Variants in AMPH observed in about 807,000 individuals in gnomAD.
AMPH encodes the protein amphiphysin (Stiff-Mann syndrome with breast cancer 128kD autoantigen).
Under a neutral mutation model 99.1 loss-of-function variants are expected in AMPH, and 49 were observed. That is an observed-to-expected ratio of 0.49 (90% CI 0.39 to 0.63). The LOEUF (loss-of-function observed/expected upper bound fraction) is 0.63. Among genes scored for constraint, AMPH ranks in the 20% least tolerant of loss-of-function variants. The pLI, the probability that AMPH is intolerant of heterozygous loss-of-function variation, is 0.00. For synonymous variants in AMPH, 314 were observed against 317.3 expected, an observed-to-expected ratio of 0.99 and a Z score of 0.11; for missense variants, 759 against 863.4, an observed-to-expected ratio of 0.88 and a Z score of 1.52.
chr7:38,477,877 T>C (rs1401418566), intron 5 of AMPH, among the ~76,000 whole-genome samples: 4 of 151,906 alleles, frequency 2.6e-5, no homozygotes, highest in African/African-American at 2.4e-5. Flanking sequence ...GCAAAAATAA[T>C]TGCTGTAGGC....
At chr7:38,556,479 A>G (rs1038457566) in intron 1 of AMPH, among the ~76,000 whole-genome samples, 3 of 152,186 alleles carry the variant, frequency 2.0e-5, no homozygotes, top group African/African-American at 7.2e-5. Flanking sequence ...CTCACCAGAT[A>G]TGGGGAGATA....
At chr7:38,465,917 T>C (rs1381781888) in intron 8 of AMPH, among the ~76,000 whole-genome samples, 1 of 152,154 alleles carries the variant, frequency 6.6e-6, no homozygotes. Flanking sequence ...AAAATACCAC[T>C]GGGAATTCCA....
chr7:38,513,633 C>A (rs1350661949), intron 2 of AMPH, among the ~76,000 whole-genome samples: 1 of 152,130 alleles, frequency 6.6e-6, no homozygotes, highest in Non-Finnish European at 1.5e-5. Context: ...CAAGCTTGAC[C>A]AAAACAGAAA....
chr7:38,549,598 T>TA (rs1412107210), intron 1 of AMPH, among the ~76,000 whole-genome samples: 3 of 152,220 alleles, frequency 2.0e-5, no homozygotes, highest in Non-Finnish European at 2.9e-5. Context: ...TAGAAAAGAC[T>TA]AAGCATAGTA....
intron 4 of AMPH, among the ~76,000 whole-genome samples, chr7:38,493,562 G>A (rs1788809520): frequency 6.6e-6 from 1 of 152,112 alleles, no homozygotes; most frequent in African/African-American, 2.4e-5. Flanking sequence ...GCTTTCCAGA[G>A]AACAAAACCC....
rs149933242 is a variant in AMPH, at chr7:38,476,833, G to A, written c.504+29C>T. ...TGCAACAGGTCATAAAATACGGAGA[G>A]TGGTATTCACCATGGGCTCAATCCC... On this transcript the variant is annotated intron_variant, in intron 6 of 20. Coordinates refer to ENST00000356264, the MANE Select transcript of AMPH (RefSeq NM_001635.4). 9.3e-5 allele frequency: 141 copies of A among 1,518,868 alleles called. 1 individual carries two copies. The East Asian group carries it at 3.0e-3, about 32-fold the overall frequency. The allele number at this position is 1,518,868 out of a possible 1,614,324, so 94.1% of individuals were successfully genotyped here. A position where few individuals can be genotyped will look rare whatever the true frequency, so the allele number is the denominator to read the frequency against.
At chr7:38,437,106 T>G (rs17171346) in intron 11 of AMPH, among the ~76,000 whole-genome samples, 4,184 of 152,310 alleles carry the variant, frequency 0.027, 184 homozygotes, top group African/African-American at 0.092. Flanking sequence ...ACGAAAGTCC[T>G]GCTTTGATAA....
intron 11 of AMPH, among the ~76,000 whole-genome samples, chr7:38,449,941 T>C (rs1451358724): frequency 1.3e-5 from 2 of 152,204 alleles, no homozygotes; most frequent in African/African-American, 2.4e-5. Flanking sequence ...TTTCATGGAC[T>C]GATTCTGCAA....
chr7:38,616,626 G>A (rs1793881238), intron 1 of AMPH, among the ~76,000 whole-genome samples: 1 of 152,078 alleles, frequency 6.6e-6, no homozygotes, highest in East Asian at 1.9e-4. Context: ...ATAAATTGTG[G>A]GATATTGTAC....
At chr7:38,555,327 C>A (rs553721235) in intron 1 of AMPH, among the ~76,000 whole-genome samples, 1 of 152,098 alleles carries the variant, frequency 6.6e-6, no homozygotes, top group East Asian at 1.9e-4. Context: ...ATTGCTTGAG[C>A]CCAGGAGTTT....
At chr7:38,445,851 T>A (rs565310835) in intron 11 of AMPH, among the ~76,000 whole-genome samples, 2 of 152,160 alleles carry the variant, frequency 1.3e-5, no homozygotes, top group Non-Finnish European at 2.9e-5. Flanking sequence ...GGCGGAGTTT[T>A]CATGAATGGT....
intron 1 of AMPH, among the ~76,000 whole-genome samples, chr7:38,591,278 C>A (rs975742502): frequency 1.6e-4 from 19 of 122,146 alleles, no homozygotes; most frequent in African/African-American, 6.5e-4. Flanking sequence ...CTTTTCTTTT[C>A]TTTTTCTTTT....
intron 1 of AMPH, among the ~76,000 whole-genome samples, chr7:38,602,184 C>T (rs1793270183): frequency 6.6e-6 from 1 of 152,178 alleles, no homozygotes; most frequent in African/African-American, 2.4e-5. Flanking sequence ...GGGGATGAGA[C>T]ACCTTGTCCC....
intron 14 of AMPH, chr7:38,427,841 G>A (rs369578659): frequency 9.0e-5 from 41 of 455,544 alleles, no homozygotes; most frequent in African/African-American, 3.4e-4. Context: ...TAAGTACCTC[G>A]TCTTTGTCAG....
intron 10 of AMPH, among the ~76,000 whole-genome samples, chr7:38,462,220 C>A (rs1029398809): frequency 3.3e-5 from 5 of 152,108 alleles, no homozygotes; most frequent in Admixed American, 3.3e-4. Flanking sequence ...GCGTTCTCGG[C>A]GCGTTTAAGG....
intron 1 of AMPH, among the ~76,000 whole-genome samples, chr7:38,621,423 T>G (rs1794057015): frequency 6.6e-6 from 1 of 152,196 alleles, no homozygotes; most frequent in Admixed American, 6.5e-5. Context: ...ACATATTAGA[T>G]TCTCAATAAA....
At chr7:38,435,075 T>C (rs1786208815) in intron 12 of AMPH, among the ~76,000 whole-genome samples, 1 of 152,244 alleles carries the variant, frequency 6.6e-6, no homozygotes, top group South Asian at 2.1e-4. Flanking sequence ...TTTAATATTC[T>C]AATGCACATC....
At chr7:38,440,112 G>A (rs73352635) in intron 11 of AMPH, among the ~76,000 whole-genome samples, 4,512 of 152,238 alleles carry the variant, frequency 0.03, 195 homozygotes, top group African/African-American at 0.1. Context: ...AGAGACACAT[G>A]AAGCACATGT....
At chr7:38,629,297 G>A (rs1005721171) in intron 1 of AMPH, among the ~76,000 whole-genome samples, 42 of 152,276 alleles carry the variant, frequency 2.8e-4, no homozygotes, top group African/African-American at 9.6e-4. Context: ...TCACCCTGGG[G>A]AAGAGCCTAT....
Sources: allele counts gnomAD v4.1 joint callset (sites outside exome capture counted in the v4.1 genomes callset), GRCh38; gene constraint gnomAD v4.1.1; transcripts MANE v1.5; gene names NCBI Gene and HGNC (gene_info 2026-07-23, HGNC 2026-07-21).